The following ADAT2 variants were observed in gnomAD, a reference collection of about 807,000 sequenced individuals.
The protein encoded by ADAT2 is adenosine deaminase tRNA specific 2.
In ADAT2, 26 loss-of-function variants were observed where a neutral mutation model predicts 25.9. That is an observed-to-expected ratio of 1.00 (90% CI 0.74 to 1.39). The LOEUF is 1.39. Among genes scored for constraint, ADAT2 ranks in the 40% most tolerant of loss-of-function variants. The pLI, the probability that ADAT2 is intolerant of heterozygous loss-of-function variation, is 0.00. For synonymous variants in ADAT2, 76 were observed against 86.8 expected (o/e 0.88, Z 0.69); for missense variants, 220 against 244.8 (o/e 0.90, Z 0.68).
rs1779267197 is a variant in ADAT2, at chr6:143,436,059, T to C, written c.202-2078A>G. Among the ~76,000 whole-genome samples the C allele has an allele frequency of 6.6e-6, 1 of 152,238 alleles. No individual in the cohort carries two copies. The highest frequency in any genetic ancestry group is 2.4e-5 in the African/African-American group (1 of 41,458). On this transcript the variant is annotated intron_variant, in intron 2 of 5. Transcript: ENST00000237283. This position sits in a 1 kb window ranked among gnomAD's most constrained non-coding sequence, Gnocchi z 4.1. ...GTTAAAATTAAAAGACTGTATATAT[T>C]TGTATATTGTTACATGATTTATATG... is the stretch of plus-strand genomic sequence containing the variant.
In ADAT2 at chr6:143,432,985, C is replaced by G. The variant is rs1166431662; in HGVS notation, c.353-374G>C. Among the ~76,000 whole-genome samples, 3 of 152,112 alleles carry G rather than the reference C, an allele frequency of 2.0e-5. No individual in the cohort carries two copies. Among genetic ancestry groups the G allele is most frequent in the Non-Finnish European group, 4.4e-5 (3 of 68,016 alleles). On this transcript the variant is annotated intron_variant, in intron 3 of 5. Transcript: ENST00000237283. The surrounding 1 kb of genome is among the most constrained non-coding windows in gnomAD (Gnocchi z 4.4). ...ACCTTTTAGAAATAAAAGATTCTTC[C>G]CTGTTCTTGCCCCAAATAAAATATA...
rs1779552492 is a variant in ADAT2, at chr6:143,444,688, A to G, written c.96+5875T>C. 1 of 162,360 alleles carries G rather than the reference A, an allele frequency of 6.2e-6. No individual in the cohort carries two copies. Among genetic ancestry groups the G allele is most frequent in the Non-Finnish European group, 1.4e-5 (1 of 73,230 alleles). 10.1% of individuals were successfully genotyped at this position (162,360 alleles called of 1,614,324 possible). A position where few individuals can be genotyped will look rare whatever the true frequency, so the allele number is the denominator to read the frequency against. On this transcript the variant is annotated intron_variant, in intron 1 of 5. Transcript: ENST00000237283. This position sits in a 1 kb window ranked among gnomAD's most constrained non-coding sequence, Gnocchi z 4.3. The stretch of plus-strand genomic sequence containing the variant: ...CTACAAGGTTTTTCATAAAGTAACA[A>G]ATGATCAACCTTCAAAATTAAAGAA...
chr6:143,448,012 T>G (rs182352205), intron 1 of ADAT2, among the ~76,000 whole-genome samples: 15 of 152,280 alleles, frequency 9.9e-5, no homozygotes, highest in Admixed American at 9.8e-4. Flanking sequence ...GTCCATCAAT[T>G]ATAGACTGGA....
At position 143,423,890 on chromosome 6, in the gene ADAT2, G is replaced by A. The variant is rs1778852830; in HGVS notation, c.*4573C>T. The A allele has an allele frequency of 6.6e-6, 1 of 152,190 alleles. No homozygotes were observed. The highest frequency in any genetic ancestry group is 1.5e-5 in the Non-Finnish European group (1 of 68,050). 9.4% of individuals were successfully genotyped at this position (152,190 alleles called of 1,614,324 possible). ...CTGTATAGGCCCATCAAGAATGGGGGCCAAGGTGGAGGCCTGGTTAAAAAG... is the reference window on the plus strand; with the variant it reads ...CTGTATAGGCCCATCAAGAATGGGGACCAAGGTGGAGGCCTGGTTAAAAAG... On this transcript the variant is annotated 3_prime_UTR_variant, in exon 6 of 6. Coordinates refer to ENST00000237283, the MANE Select transcript of ADAT2 (RefSeq NM_182503.3).
In ADAT2 at chr6:143,445,010, A is replaced by T. The variant is rs943234083; in HGVS notation, c.96+5553T>A. 3 of 1,248,004 alleles carry T rather than the reference A, an allele frequency of 2.4e-6. No homozygotes were observed. The African/African-American group carries it at 4.6e-5, about 19-fold the overall frequency. 77.3% of individuals were successfully genotyped at this position (1,248,004 alleles called of 1,614,324 possible). A position where few individuals can be genotyped will look rare whatever the true frequency, so the allele number is the denominator to read the frequency against. On this transcript the variant is annotated intron_variant, in intron 1 of 5. Transcript: ENST00000237283. ...ATTAGGGGGAACAAACAAGTTAGCC[A>T]GAACTCTCAGGTAGAACATCATCCT...
rs914179308 is a variant in ADAT2, at chr6:143,426,695, G to A, written c.*1768C>T. ...GCTAGAATGCTCATATACTATTTTC[G>A]GCTTTGGCTTTTTGTCCTAGATAGT... On this transcript the variant is annotated 3_prime_UTR_variant, in exon 6 of 6. Coordinates refer to ENST00000237283, the MANE Select transcript of ADAT2 (RefSeq NM_182503.3). This position sits in a 1 kb window ranked among gnomAD's most constrained non-coding sequence, Gnocchi z 4.1. 6.6e-6 allele frequency: 1 copy of A among 151,900 alleles called. No individual in the cohort carries two copies. The highest frequency in any genetic ancestry group is 2.1e-4 in the South Asian group (1 of 4,804). The allele number at this position is 151,900 out of a possible 1,614,324, so 9.4% of individuals were successfully genotyped here. A position where few individuals can be genotyped will look rare whatever the true frequency, so the allele number is the denominator to read the frequency against.
In ADAT2 at chr6:143,434,101, A is replaced by G; in HGVS notation, c.202-120T>C. On this transcript the variant is annotated intron_variant, in intron 2 of 5. Coordinates refer to ENST00000237283, the MANE Select transcript of ADAT2 (RefSeq NM_182503.3). The surrounding 1 kb of genome is among the most constrained non-coding windows in gnomAD (Gnocchi z 4.5). ...CCTTTCTGCCAATATTTTAATGAAT[A>G]CAGTTTCAAGACACCCTTAGCAGTG... 1.5e-6 allele frequency: 2 copies of G among 1,298,436 alleles called. No individual in the cohort carries two copies. The highest frequency in any genetic ancestry group is 1.1e-6 in the Non-Finnish European group (1 of 936,204). The allele number at this position is 1,298,436 out of a possible 1,614,324, so 80.4% of individuals were successfully genotyped here. A position where few individuals can be genotyped will look rare whatever the true frequency, so the allele number is the denominator to read the frequency against.
rs901087067 is a variant in ADAT2 at position 143,426,199 on chromosome 6, C to T, written c.*2264G>A. On this transcript the variant is annotated 3_prime_UTR_variant, in exon 6 of 6. Transcript: ENST00000237283. The surrounding 1 kb of genome is among the most constrained non-coding windows in gnomAD (Gnocchi z 4.1). ...ACTATCAGTATCAATCAATGGAATT[C>T]AAGCTGTTGAACTAGGACATCTTAA... The T allele has an allele frequency of 1.3e-5, 2 of 152,192 alleles. No homozygotes were observed. Among genetic ancestry groups the T allele is most frequent in the Non-Finnish European group, 2.9e-5 (2 of 68,032 alleles). 9.4% of individuals were successfully genotyped at this position (152,192 alleles called of 1,614,324 possible). A position where few individuals can be genotyped will look rare whatever the true frequency, so the allele number is the denominator to read the frequency against.
intron 1 of ADAT2, among the ~76,000 whole-genome samples, chr6:143,445,260 T>C (rs1779566649): frequency 6.6e-6 from 1 of 151,966 alleles, no homozygotes; most frequent in Admixed American, 6.6e-5. Flanking sequence ...TTTTCATTAT[T>C]CATTTAGGTT....
At chr6:143,448,723 T>C (rs1779666796) in intron 1 of ADAT2, among the ~76,000 whole-genome samples, 1 of 152,156 alleles carries the variant, frequency 6.6e-6, no homozygotes, top group African/African-American at 2.4e-5. Flanking sequence ...AATATCATGT[T>C]CAGGTGAGGT....
rs554536147 is a variant in ADAT2 at position 143,448,307 on chromosome 6, C to T, written c.96+2256G>A. Among the ~76,000 whole-genome samples the T allele has an allele frequency of 7.9e-5, 12 of 152,028 alleles. No homozygotes were observed. The South Asian group carries it at 1.0e-3, about 13-fold the overall frequency. ...TAGGAGATATACCTAATGTAAATGA[C>T]GAGTTAATGGGTGCAGCACACCAAC... On this transcript the variant is annotated intron_variant, in intron 1 of 5. Transcript: ENST00000237283.
chr6:143,447,929 A>T (rs1041524088), intron 1 of ADAT2, among the ~76,000 whole-genome samples: 60 of 152,220 alleles, frequency 3.9e-4, no homozygotes, highest in African/African-American at 1.2e-3. Context: ...TCATGCTGCT[A>T]TAAAGACACA....
In ADAT2 at chr6:143,444,696, A is replaced by G. The variant is rs115328561; in HGVS notation, c.96+5867T>C. On this transcript the variant is annotated intron_variant, in intron 1 of 5. Transcript: ENST00000237283. The surrounding 1 kb of genome is among the most constrained non-coding windows in gnomAD (Gnocchi z 4.3). The stretch of plus-strand genomic sequence containing the variant: ...TTTTTCATAAAGTAACAAATGATCA[A>G]CCTTCAAAATTAAAGAATAAAATCT... The G allele has an allele frequency of 9.0e-3, 1,483 of 164,172 alleles. 22 individuals are homozygous for G. Among genetic ancestry groups the G allele is most frequent in the African/African-American group, 0.033 (1,394 of 41,758 alleles). 10.2% of individuals were successfully genotyped at this position (164,172 alleles called of 1,614,324 possible). A position where few individuals can be genotyped will look rare whatever the true frequency, so the allele number is the denominator to read the frequency against.
chr6:143,441,066 G>A (rs566118724), intron 1 of ADAT2, among the ~76,000 whole-genome samples: 9 of 152,152 alleles, frequency 5.9e-5, no homozygotes, highest in Non-Finnish European at 1.3e-4. Context: ...GAAAAGGCAG[G>A]CTTCCAGAAG....
chr6:143,432,700 A>G lies in ADAT2; in HGVS notation c.353-89T>C. Reference sequence around the variant, plus strand: ...AGTAGGTTTATACCAGCCATCCTGGAGAGGAACGCTCATGCTACTCTTCAA... The same window carrying G: ...AGTAGGTTTATACCAGCCATCCTGGGGAGGAACGCTCATGCTACTCTTCAA... On this transcript the variant is annotated intron_variant, in intron 3 of 5. Transcript: ENST00000237283. The surrounding 1 kb of genome is among the most constrained non-coding windows in gnomAD (Gnocchi z 4.4). 1 of 1,222,904 alleles carries G rather than the reference A, an allele frequency of 8.2e-7. No individual in the cohort carries two copies. Among genetic ancestry groups the G allele is most frequent in the Non-Finnish European group, 1.2e-6 (1 of 833,692 alleles). 75.8% of individuals were successfully genotyped at this position (1,222,904 alleles called of 1,614,324 possible). A position where few individuals can be genotyped will look rare whatever the true frequency, so the allele number is the denominator to read the frequency against.
At chr6:143,448,255 G>C (rs1052652658) in intron 1 of ADAT2, among the ~76,000 whole-genome samples, 5 of 151,840 alleles carry the variant, frequency 3.3e-5, no homozygotes, top group Admixed American at 2.6e-4. Flanking sequence ...CTGTCATGGG[G>C]TTGGGGGGAG....
At chr6:143,447,972 A>C (rs1054813819) in intron 1 of ADAT2, among the ~76,000 whole-genome samples, 1 of 152,208 alleles carries the variant, frequency 6.6e-6, no homozygotes, top group Admixed American at 6.5e-5. Flanking sequence ...CACTATTCAC[A>C]ATAGCAAAGA....
In ADAT2 at chr6:143,428,176, T is replaced by C; in HGVS notation, c.*287A>G. On this transcript the variant is annotated 3_prime_UTR_variant, in exon 6 of 6. Transcript: ENST00000237283. The surrounding 1 kb of genome is among the most constrained non-coding windows in gnomAD (Gnocchi z 5.0). ...AGCACTTGCCTGGACTGGGCACTTGTGGCTAGAAGGGTATGCACTACTTGC... is the reference window on the plus strand; with the variant it reads ...AGCACTTGCCTGGACTGGGCACTTGCGGCTAGAAGGGTATGCACTACTTGC... 2.5e-6 allele frequency: 1 copy of C among 405,926 alleles called. No individual in the cohort carries two copies. Among genetic ancestry groups the C allele is most frequent in the East Asian group, 4.6e-5 (1 of 21,876 alleles). 25.1% of individuals were successfully genotyped at this position (405,926 alleles called of 1,614,324 possible). A position where few individuals can be genotyped will look rare whatever the true frequency, so the allele number is the denominator to read the frequency against.
In ADAT2 at chr6:143,425,858, A is replaced by G. The variant is rs978573713; in HGVS notation, c.*2605T>C. 1.3e-5 allele frequency: 2 copies of G among 152,238 alleles called. No individual in the cohort carries two copies. The highest frequency in any genetic ancestry group is 4.8e-5 in the African/African-American group (2 of 41,294). The allele number at this position is 152,238 out of a possible 1,614,324, so 9.4% of individuals were successfully genotyped here. The stretch of plus-strand genomic sequence containing the variant: ...CTTGCCTACACTGAAGCTCTTGGCC[A>G]TCTATTTTCTCTCCATGATACTCCA... On this transcript the variant is annotated 3_prime_UTR_variant, in exon 6 of 6. Coordinates refer to ENST00000237283, the MANE Select transcript of ADAT2 (RefSeq NM_182503.3).
Sources: gnomAD v4.1 joint callset for allele counts (sites outside exome capture counted in the v4.1 genomes callset) on GRCh38, gnomAD v4.1.1 for gene constraint, Gnocchi (gnomAD v3.1) non-coding constraint, MANE v1.5 for transcripts, NCBI Gene and HGNC (gene_info 2026-07-23, HGNC 2026-07-21) for gene names.